Variants in GAS7 observed in about 807,000 individuals in gnomAD.
GAS7 encodes the protein growth arrest-specific protein 7.
GAS7 carries 28 observed loss-of-function variants against 71.1 expected under a neutral mutation model. That is an observed-to-expected ratio of 0.39 (90% confidence interval 0.29 to 0.54). The LOEUF is 0.54. GAS7 is among the 20% of genes least tolerant of loss of function. The probability of loss-of-function intolerance (pLI) is 0.62; values close to 1 mark genes in which losing one functional copy is unlikely to be tolerated. For synonymous variants in GAS7, 258 were observed against 245.8 expected (o/e 1.05, Z -0.46); for missense variants, 436 against 627.8 (o/e 0.69, Z 3.27).
intron 4 of GAS7, among the ~76,000 whole-genome samples, chr17:9,963,208 G>C (rs2069573282): frequency 6.6e-6 from 1 of 152,140 alleles, no homozygotes; most frequent in Non-Finnish European, 1.5e-5. Context: ...AATTCCAGGT[G>C]AAAGAGGCCA....
intron 1 of GAS7, among the ~76,000 whole-genome samples, chr17:10,134,535 T>A (rs2074023846): frequency 6.6e-6 from 1 of 152,176 alleles, no homozygotes; most frequent in African/African-American, 2.4e-5. Context: ...CTGATTTATA[T>A]TCCCCACCAA....
chr17:10,161,436 T>C (rs1363808488), intron 1 of GAS7, among the ~76,000 whole-genome samples: 1 of 152,180 alleles, frequency 6.6e-6, no homozygotes, highest in Non-Finnish European at 1.5e-5. Context: ...AATGGAAGTG[T>C]CGTTACCAGA....
chr17:10,066,220 G>A (rs181916465), intron 1 of GAS7, among the ~76,000 whole-genome samples: 5 of 152,264 alleles, frequency 3.3e-5, no homozygotes, highest in Admixed American at 6.5e-5. Context: ...CTAATTTGTC[G>A]CCCAAGCTGG....
intron 2 of GAS7, among the ~76,000 whole-genome samples, chr17:10,014,019 G>T (rs1486685132): frequency 1.3e-5 from 2 of 152,158 alleles, no homozygotes; most frequent in African/African-American, 4.8e-5. Context: ...GGCTCACCAA[G>T]TTCCCATCTC....
intron 1 of GAS7, among the ~76,000 whole-genome samples, chr17:10,197,762 G>C (rs973123298): frequency 1.2e-4 from 19 of 152,180 alleles, no homozygotes; most frequent in Admixed American, 2.0e-4. Context: ...GACCGTCCAC[G>C]GGTCATCAGG....
chr17:10,060,585 G>T (rs2073209354), intron 1 of GAS7, among the ~76,000 whole-genome samples: 1 of 151,900 alleles, frequency 6.6e-6, no homozygotes, highest in African/African-American at 2.4e-5. Context: ...GGTCTTCAAG[G>T]AGCTAGGGGC....
chr17:9,950,692 C>A (rs1315309658), intron 5 of GAS7, among the ~76,000 whole-genome samples: 1 of 151,922 alleles, frequency 6.6e-6, no homozygotes, highest in South Asian at 2.1e-4. Flanking sequence ...CCTGTCTCTA[C>A]TGAAAATACA....
intron 1 of GAS7, among the ~76,000 whole-genome samples, chr17:10,040,721 G>A (rs1328449404): frequency 6.6e-6 from 1 of 152,202 alleles, no homozygotes; most frequent in African/African-American, 2.4e-5. Flanking sequence ...CCCACCGGCA[G>A]CTGAGTTATT....
intron 1 of GAS7, among the ~76,000 whole-genome samples, chr17:10,122,017 C>T (rs1040998870): frequency 1.3e-5 from 2 of 152,136 alleles, no homozygotes; most frequent in African/African-American, 2.4e-5. Flanking sequence ...AGGCACAATC[C>T]GAAGGCCAGC....
At chr17:10,135,126 C>G (rs1239642493) in intron 1 of GAS7, among the ~76,000 whole-genome samples, 3 of 152,114 alleles carry the variant, frequency 2.0e-5, no homozygotes, top group African/African-American at 7.2e-5. Flanking sequence ...CCAACGCAGC[C>G]CGGCCTACAT....
intron 3 of GAS7, among the ~76,000 whole-genome samples, chr17:9,976,350 CAG>C (rs932602609): frequency 2.2e-4 from 34 of 152,234 alleles, no homozygotes; most frequent in African/African-American, 8.0e-4. Context: ...TCCCTGGAGT[CAG>C]GGGTGAGGTC....
intron 1 of GAS7, among the ~76,000 whole-genome samples, chr17:10,075,727 T>G (rs2073382998): frequency 6.7e-6 from 1 of 150,086 alleles, no homozygotes; most frequent in Admixed American, 6.6e-5. Flanking sequence ...ACCAGGAGAT[T>G]GAGGCTTCAG....
chr17:10,170,555 T>G (rs554491596), intron 1 of GAS7, among the ~76,000 whole-genome samples: 1 of 152,216 alleles, frequency 6.6e-6, no homozygotes, highest in Non-Finnish European at 1.5e-5. Flanking sequence ...CCTCTCCTAA[T>G]GAGACCTTCT....
intron 8 of GAS7, 31 bp downstream of exon 8, chr17:9,940,095 C>T (rs747488871): frequency 2.5e-6 from 3 of 1,216,382 alleles, no homozygotes; most frequent in Non-Finnish European, 3.7e-6. Flanking sequence ...CCCCCATCCT[C>T]CCCACTCCCA....
intron 2 of GAS7, among the ~76,000 whole-genome samples, chr17:9,999,302 G>A (rs1410203496): frequency 6.6e-6 from 1 of 152,130 alleles, no homozygotes; most frequent in East Asian, 1.9e-4. Context: ...TGGAACACTT[G>A]AGGTCAGGAG....
In GAS7 at chr17:9,930,027, A is replaced by C. The variant is rs149800719; in HGVS notation, c.886-3258T>G. Among the ~76,000 whole-genome samples the C allele has an allele frequency of 7.4e-4, 112 of 152,294 alleles. 1 individual carries two copies. The highest frequency in any genetic ancestry group is 2.6e-3 in the African/African-American group (110 of 41,574). ...ATAAGAGAAGTTCCAAGTTGGTAGG[A>C]ATTTCAGACACTGTCTAGTCTGATA... On this transcript the variant is annotated intron_variant, in intron 9 of 13. Transcript: ENST00000432992.
intron 1 of GAS7, among the ~76,000 whole-genome samples, chr17:10,140,980 G>A (rs1164400276): frequency 6.6e-6 from 1 of 152,238 alleles, no homozygotes; most frequent in African/African-American, 2.4e-5. Context: ...CATCAATACT[G>A]CCAGCTTCTG....
intron 5 of GAS7, among the ~76,000 whole-genome samples, chr17:9,948,380 C>T (rs2068872447): frequency 6.6e-6 from 1 of 152,174 alleles, no homozygotes; most frequent in Non-Finnish European, 1.5e-5. Context: ...CGAACAAATA[C>T]ACCTTAAAAT....
chr17:9,993,316 ATCTCAT>A (rs1167694556), intron 2 of GAS7, among the ~76,000 whole-genome samples: 1 of 152,094 alleles, frequency 6.6e-6, no homozygotes, highest in Non-Finnish European at 1.5e-5. Flanking sequence ...GTGAGATGGT[ATCTCAT>A]TGTGGTTTTG....
Sources: allele counts gnomAD v4.1 joint callset (sites outside exome capture counted in the v4.1 genomes callset), GRCh38; gene constraint gnomAD v4.1.1; transcripts MANE v1.5; gene names NCBI Gene and HGNC (gene_info 2026-07-23, HGNC 2026-07-21).